The following ZNF521 variants were observed in gnomAD, a reference collection of about 807,000 sequenced individuals.
ZNF521 encodes the protein zinc finger protein 521, also known as LYST-interacting protein 3.
ZNF521 carries 14 observed loss-of-function variants against 105.5 expected under a neutral mutation model. That is an observed-to-expected ratio of 0.13 (90% CI 0.09 to 0.21). The LOEUF is 0.21. Among genes scored for constraint, ZNF521 ranks in the 10% least tolerant of loss-of-function variants. The pLI is 1.00. For synonymous variants in ZNF521, 635 were observed against 606.0 expected (o/e 1.05, Z -0.70); for missense variants, 1,233 against 1,629.7 (o/e 0.76, Z 4.19).
At chr18:25,245,332 C>A (rs1197010991) in intron 3 of ZNF521, among the ~76,000 whole-genome samples, 1 of 152,172 alleles carries the variant, frequency 6.6e-6, no homozygotes, top group African/African-American at 2.4e-5. Flanking sequence ...CCCATATAGC[C>A]ATGCCTGGAC....
Position 25,226,832 on chromosome 18 carries a change from G to A in ZNF521, c.1086C>T (p.Asn362=). The change falls in exon 4 of 8, where the codon AAC becomes AAT. Residue 362 remains asparagine, a synonymous_variant. Coordinates refer to ENST00000361524, the MANE Select transcript of ZNF521 (RefSeq NM_015461.3). This position sits in a 1 kb window ranked among gnomAD's most constrained non-coding sequence, Gnocchi z 4.1. ...CCATGGTTGAGCTGTCCACTGAGAG[G>A]TTGGAATCTGGAGTCGTACTGGACA... is the stretch of plus-strand genomic sequence containing the variant. ...TSVSSTTPDS[N]LSVDSSTMVE... 1 of 1,614,052 alleles carries A rather than the reference G, an allele frequency of 6.2e-7. No homozygotes were observed. Among genetic ancestry groups the A allele is most frequent in the South Asian group, 1.1e-5 (1 of 91,068 alleles).
intron 3 of ZNF521, among the ~76,000 whole-genome samples, chr18:25,251,626 C>A (rs1429521628): frequency 1.3e-5 from 2 of 152,148 alleles, no homozygotes; most frequent in Non-Finnish European, 2.9e-5. Flanking sequence ...AATACAAATG[C>A]AATATGTTAG....
chr18:25,107,833 C>T (rs994231783), intron 5 of ZNF521, among the ~76,000 whole-genome samples: 4 of 152,218 alleles, frequency 2.6e-5, no homozygotes, highest in Non-Finnish European at 5.9e-5. Flanking sequence ...GGGAGTACTT[C>T]CTGCCCTTTC....
At chr18:25,252,980 A>G (rs1461995730) in intron 3 of ZNF521, among the ~76,000 whole-genome samples, 2 of 152,136 alleles carry the variant, frequency 1.3e-5, no homozygotes, top group Non-Finnish European at 2.9e-5. Context: ...TCCATAAGGC[A>G]AACCAACTTC....
intron 5 of ZNF521, among the ~76,000 whole-genome samples, chr18:25,094,981 C>T (rs1437893574): frequency 1.3e-5 from 2 of 151,948 alleles, no homozygotes; most frequent in African/African-American, 4.8e-5. Context: ...AAAAGTTTAT[C>T]CTTATTCAGA....
intron 5 of ZNF521, among the ~76,000 whole-genome samples, chr18:25,181,403 C>T (rs2035629713): frequency 6.6e-6 from 1 of 152,084 alleles, no homozygotes; most frequent in African/African-American, 2.4e-5. Context: ...AGCAATGTTA[C>T]TTACGGGAAA....
intron 7 of ZNF521, among the ~76,000 whole-genome samples, chr18:25,068,829 CGTGA>C (rs2033142410): frequency 6.6e-6 from 1 of 152,154 alleles, no homozygotes; most frequent in Non-Finnish European, 1.5e-5. Context: ...ATATACTGTA[CGTGA>C]CTTAAAATGC....
At chr18:25,280,497 A>G (rs967636643) in intron 3 of ZNF521, among the ~76,000 whole-genome samples, 6 of 152,100 alleles carry the variant, frequency 3.9e-5, no homozygotes, top group African/African-American at 1.4e-4. Flanking sequence ...AGATGCAATA[A>G]TCATTACCTG....
chr18:25,307,398 C>T (rs552785142), intron 3 of ZNF521, among the ~76,000 whole-genome samples: 7 of 152,318 alleles, frequency 4.6e-5, no homozygotes, highest in South Asian at 4.1e-4. Flanking sequence ...TCCTGGGCTG[C>T]GCTGGTTGCA....
intron 5 of ZNF521, among the ~76,000 whole-genome samples, chr18:25,129,010 G>A (rs893875476): frequency 6.6e-6 from 1 of 151,728 alleles, no homozygotes; most frequent in Non-Finnish European, 1.5e-5. Context: ...TACTGAAGAA[G>A]AGCAAAATCA....
intron 3 of ZNF521, among the ~76,000 whole-genome samples, chr18:25,295,440 T>C (rs1911272259): frequency 1.3e-5 from 2 of 152,202 alleles, no homozygotes; most frequent in South Asian, 4.1e-4. Flanking sequence ...ATAATTTAAT[T>C]GTACATTTAA....
At chr18:25,274,547 T>C (rs1045572767) in intron 3 of ZNF521, among the ~76,000 whole-genome samples, 23 of 152,296 alleles carry the variant, frequency 1.5e-4, no homozygotes, top group African/African-American at 2.6e-4. Flanking sequence ...AAAGATTATG[T>C]ATTACAGAAA....
intron 5 of ZNF521, among the ~76,000 whole-genome samples, chr18:25,137,091 TC>T (rs1157844584): frequency 6.6e-6 from 1 of 152,144 alleles, no homozygotes; most frequent in Non-Finnish European, 1.5e-5. Context: ...AAACAAGTGT[TC>T]CATTTCTGGT....
At chr18:25,167,189 T>G (rs1007597053) in intron 5 of ZNF521, among the ~76,000 whole-genome samples, 1 of 152,198 alleles carries the variant, frequency 6.6e-6, no homozygotes, top group Non-Finnish European at 1.5e-5. Context: ...AAAGTTCACC[T>G]GGAAGCCCTG....
intron 4 of ZNF521, among the ~76,000 whole-genome samples, chr18:25,219,747 G>A (rs1007559642): frequency 8.5e-5 from 13 of 152,116 alleles, no homozygotes; most frequent in Admixed American, 6.5e-4. Context: ...AGCCTGGGAG[G>A]TTAAGGCTGC....
At chr18:25,337,709 A>C (rs1280396254) in intron 2 of ZNF521, among the ~76,000 whole-genome samples, 2 of 152,238 alleles carry the variant, frequency 1.3e-5, no homozygotes, top group African/African-American at 4.8e-5. Context: ...GGCGGTATCC[A>C]TTAAAATTTT....
intron 3 of ZNF521, among the ~76,000 whole-genome samples, chr18:25,307,378 T>C (rs1476437503): frequency 2.0e-5 from 3 of 152,200 alleles, no homozygotes; most frequent in African/African-American, 7.2e-5. Flanking sequence ...GAATCTGACT[T>C]GAATATTCAT....
intron 5 of ZNF521, among the ~76,000 whole-genome samples, chr18:25,155,602 G>A (rs2035128547): frequency 6.6e-6 from 1 of 152,062 alleles, no homozygotes; most frequent in Admixed American, 6.6e-5. Flanking sequence ...TGTGTACAGT[G>A]TAAGATAAGG....
chr18:25,217,030 G>A (rs1238362000), intron 4 of ZNF521, among the ~76,000 whole-genome samples: 1 of 152,148 alleles, frequency 6.6e-6, no homozygotes, highest in Non-Finnish European at 1.5e-5. Flanking sequence ...CAGGATCTGG[G>A]CAGAGTTAAG....
Sources: gnomAD v4.1 joint callset for allele counts (sites outside exome capture counted in the v4.1 genomes callset) on GRCh38, gnomAD v4.1.1 for gene constraint, Gnocchi (gnomAD v3.1) non-coding constraint, MANE v1.5 for transcripts, NCBI Gene and HGNC (gene_info 2026-07-23, HGNC 2026-07-21) for gene names.